ZBTB2: variants seen among roughly 807,000 people sequenced by gnomAD.
The protein encoded by ZBTB2 is zinc finger and BTB domain containing 2, also known as zinc finger and BTB domain-containing protein 2.
Under a neutral mutation model 39.5 loss-of-function variants are expected in ZBTB2, and 2 were observed. The ratio of observed to expected loss-of-function variants is 0.05; its 90% CI spans 0.02 to 0.16. The LOEUF is 0.16. ZBTB2 is among the 10% of genes least tolerant of loss of function. The pLI is 1.00. For missense variants in ZBTB2, 391 were observed against 653.0 expected, an observed-to-expected ratio of 0.60 and a Z score of 4.37; for synonymous variants, 251 against 256.6, an observed-to-expected ratio of 0.98 and a Z score of 0.21.
Position 151,366,506 on chromosome 6 carries a change from A to T in ZBTB2, c.560T>A (p.Val187Glu), listed in dbSNP as rs769829470. The T allele has an allele frequency of 6.2e-7, 1 of 1,614,052 alleles. No homozygotes were observed. Among genetic ancestry groups the T allele is most frequent in the Non-Finnish European group, 8.5e-7 (1 of 1,180,020 alleles). ...TGAGGGAGTCATATTTGTCCGATTC[A>T]CCTGGGCCAGATTTGAAGTCAGCTG... Reference protein sequence around the residue: ...LSQLTSNLAQVNRTNMTPSDP... With the variant: ...LSQLTSNLAQENRTNMTPSDP... Residue 187 changes from valine to glutamate, a missense_variant, in exon 3 of 3, where the codon GTG (valine) becomes GAG (glutamate). Transcript: ENST00000325144. The surrounding 1 kb of genome is among the most constrained non-coding windows in gnomAD (Gnocchi z 7.1).
In ZBTB2 at chr6:151,372,659, G is replaced by A. The variant is rs117337668; in HGVS notation, c.173+806C>T. On this transcript the variant is annotated intron_variant, in intron 2 of 2. Coordinates refer to ENST00000325144, the MANE Select transcript of ZBTB2 (RefSeq NM_020861.3). Reference sequence around the variant, plus strand: ...AAAGAAACTGAGCAAAGATAGAGCTGTTTTAAGATAGAAAAGAGGGAAACT... The same window carrying A: ...AAAGAAACTGAGCAAAGATAGAGCTATTTTAAGATAGAAAAGAGGGAAACT... Among the ~76,000 whole-genome samples, 235 of 152,286 alleles carry A rather than the reference G, an allele frequency of 1.5e-3. 1 individual carries two copies. In the East Asian group the frequency reaches 0.024, roughly 16 times the overall value.
At chr6:151,372,812 A>G (rs999533130) in intron 2 of ZBTB2, among the ~76,000 whole-genome samples, 1 of 152,096 alleles carries the variant, frequency 6.6e-6, no homozygotes, top group Non-Finnish European at 1.5e-5. Flanking sequence ...GAGTCCAGGA[A>G]AGATTACTGC....
At chr6:151,383,568 G>A (rs1372707508) in intron 1 of ZBTB2, among the ~76,000 whole-genome samples, 1 of 152,332 alleles carries the variant, frequency 6.6e-6, no homozygotes, top group East Asian at 1.9e-4. Flanking sequence ...ACACCCTGGT[G>A]ATGATTTGGC....
At position 151,364,957 on chromosome 6, in the gene ZBTB2, A is replaced by G. The variant is rs1399542010; in HGVS notation, c.*564T>C. 1 of 152,734 alleles carries G rather than the reference A, an allele frequency of 6.5e-6. No homozygotes were observed. The highest frequency in any genetic ancestry group is 1.5e-5 in the Non-Finnish European group (1 of 68,118). 9.5% of individuals were successfully genotyped at this position (152,734 alleles called of 1,614,324 possible). ...CTTTTTCTCCTTTTTGTTTTGTTAA[A>G]GTAGATTTCTTAACTGATGATTTCT... On this transcript the variant is annotated 3_prime_UTR_variant, in exon 3 of 3. Transcript: ENST00000325144.
chr6:151,385,424 C>T (rs1779129620), intron 1 of ZBTB2, among the ~76,000 whole-genome samples: 2 of 152,216 alleles, frequency 1.3e-5, no homozygotes, highest in African/African-American at 2.4e-5. Flanking sequence ...AAGCAACTCA[C>T]TCATCCTTTT....
chr6:151,377,227 T>A (rs1340956044), intron 1 of ZBTB2, among the ~76,000 whole-genome samples: 1 of 152,036 alleles, frequency 6.6e-6, no homozygotes, highest in Non-Finnish European at 1.5e-5. Context: ...GTGATGGGAA[T>A]GTTCTGCATG....
In ZBTB2 at chr6:151,391,404, GGC is replaced by G. The variant is rs1420900554; in HGVS notation, c.-13+14_-13+15del. On this transcript the variant is annotated intron_variant, in intron 1 of 2. Transcript: ENST00000325144. Reference sequence around the variant, plus strand: ...GTGGGCACCGGCCCCGGGAGGCGGAGGCGGTGCGCGCTTACCTGTCGCCGGTG... The same window carrying G: ...GTGGGCACCGGCCCCGGGAGGCGGAGGGTGCGCGCTTACCTGTCGCCGGTG... 6.6e-6 allele frequency: 1 copy of G among 151,908 alleles called. No individual in the cohort carries two copies. The highest frequency in any genetic ancestry group is 1.5e-5 in the Non-Finnish European group (1 of 67,996). The allele number at this position is 151,908 out of a possible 1,614,324, so 9.4% of individuals were successfully genotyped here.
chr6:151,378,551 C>T (rs1234748688), intron 1 of ZBTB2, among the ~76,000 whole-genome samples: 1 of 152,206 alleles, frequency 6.6e-6, no homozygotes, highest in Non-Finnish European at 1.5e-5. Context: ...ACCTGACCTC[C>T]ACCAAGGCAT....
rs531644499 is a variant in ZBTB2 at position 151,388,000 on chromosome 6, T to G, written c.-13+3420A>C. On this transcript the variant is annotated intron_variant, in intron 1 of 2. Transcript: ENST00000325144. ...AATAGTTTAATTTGCTAGCACAAAT[T>G]ATAACCTACTTGAGCATAAAGAACG... 2.4e-4 allele frequency among the ~76,000 whole-genome samples: 36 copies of G among 152,360 alleles called. 1 individual carries two copies. The South Asian group carries it at 7.2e-3, about 31-fold the overall frequency.
chr6:151,368,775 T>A (rs1247646876), intron 2 of ZBTB2, among the ~76,000 whole-genome samples: 5 of 150,352 alleles, frequency 3.3e-5, no homozygotes, highest in Non-Finnish European at 4.4e-5. Flanking sequence ...TTTTTTTTTT[T>A]AATTTTGAGA....
At chr6:151,383,019 G>C (rs1160512652) in intron 1 of ZBTB2, among the ~76,000 whole-genome samples, 1 of 151,216 alleles carries the variant, frequency 6.6e-6, no homozygotes, top group Non-Finnish European at 1.5e-5. Flanking sequence ...TCTGCCTCCT[G>C]GGTTCAAGCA....
chr6:151,376,723 G>A (rs1329391541), intron 1 of ZBTB2, among the ~76,000 whole-genome samples: 1 of 152,170 alleles, frequency 6.6e-6, no homozygotes, highest in East Asian at 1.9e-4. Flanking sequence ...GGAGAAGCTG[G>A]ATCATTCATA....
chr6:151,376,496 T>G (rs1385696381), intron 1 of ZBTB2, among the ~76,000 whole-genome samples: 1 of 151,926 alleles, frequency 6.6e-6, no homozygotes, highest in Non-Finnish European at 1.5e-5. Context: ...CTTTCAAAAC[T>G]CAACAGTAAA....
chr6:151,365,349 A>G lies in ZBTB2; in HGVS notation c.*172T>C. On this transcript the variant is annotated 3_prime_UTR_variant, in exon 3 of 3. Transcript: ENST00000325144. The surrounding 1 kb of genome is among the most constrained non-coding windows in gnomAD (Gnocchi z 5.6). ...AAGAAAGTCGATACATTCCAGGTTT[A>G]TAATGCACAAAGCCTTTACAGAGGT... 1 of 694,260 alleles carries G rather than the reference A, an allele frequency of 1.4e-6. No individual in the cohort carries two copies. The allele number at this position is 694,260 out of a possible 1,614,324, so 43.0% of individuals were successfully genotyped here. A position where few individuals can be genotyped will look rare whatever the true frequency, so the allele number is the denominator to read the frequency against.
At position 151,365,662 on chromosome 6, in the gene ZBTB2, G is replaced by A; in HGVS notation, c.1404C>T (p.Cys468=). Reference sequence around the variant, plus strand: ...CAAAAACATCCGAGTTCTGGTTTTGGCATGAATGTTTAACAACCTCATTGG... The same window carrying A: ...CAAAAACATCCGAGTTCTGGTTTTGACATGAATGTTTAACAACCTCATTGG... The part of the protein sequence containing the change: ...STPNEVVKHS[C]QNQNSDVFAL... The change falls in exon 3 of 3, where the codon TGC becomes TGT. Residue 468 remains cysteine, a synonymous_variant. Coordinates refer to ENST00000325144, the MANE Select transcript of ZBTB2 (RefSeq NM_020861.3). The surrounding 1 kb of genome is among the most constrained non-coding windows in gnomAD (Gnocchi z 5.6). The A allele has an allele frequency of 6.2e-7, 1 of 1,614,200 alleles. No homozygotes were observed.
At chr6:151,377,287 TA>T (rs1778933226) in intron 1 of ZBTB2, among the ~76,000 whole-genome samples, 1 of 152,004 alleles carries the variant, frequency 6.6e-6, no homozygotes, top group Non-Finnish European at 1.5e-5. Context: ...ATGTTTCCAT[TA>T]GGGGAAACTG....
At position 151,372,836 on chromosome 6, in the gene ZBTB2, T is replaced by C. The variant is rs944937983; in HGVS notation, c.173+629A>G. On this transcript the variant is annotated intron_variant, in intron 2 of 2. Transcript: ENST00000325144. Reference sequence around the variant, plus strand: ...AAAGATTACTGCTGGAAGGGTTCGCTGAGGTTGGGTGGCTGGCTTTATAAT... The same window carrying C: ...AAAGATTACTGCTGGAAGGGTTCGCCGAGGTTGGGTGGCTGGCTTTATAAT... Among the ~76,000 whole-genome samples the C allele has an allele frequency of 2.6e-5, 4 of 151,932 alleles. No homozygotes were observed. The East Asian group carries it at 5.8e-4, about 22-fold the overall frequency.
intron 1 of ZBTB2, among the ~76,000 whole-genome samples, chr6:151,379,736 T>C (rs1256641039): frequency 1.3e-5 from 2 of 151,990 alleles, no homozygotes; most frequent in Non-Finnish European, 2.9e-5. Flanking sequence ...AATAATTTTC[T>C]CACTTTCTTT....
Position 151,377,517 on chromosome 6 carries a change from C to T in ZBTB2, c.-12-3868G>A, listed in dbSNP as rs756976202. ...CTGAGTAGCTGGGATTACAGGTGCC[C>T]GCGACCATGTCTGGCTAATTTTTTT... On this transcript the variant is annotated intron_variant, in intron 1 of 2. Transcript: ENST00000325144. Among the ~76,000 whole-genome samples, 53 of 148,950 alleles carry T rather than the reference C, an allele frequency of 3.6e-4. 1 individual carries two copies. The highest frequency in any genetic ancestry group is 8.6e-4 in the South Asian group (4 of 4,670).
Sources: allele counts gnomAD v4.1 joint callset (sites outside exome capture counted in the v4.1 genomes callset), GRCh38; gene constraint gnomAD v4.1.1; non-coding constraint Gnocchi (gnomAD v3.1); transcripts MANE v1.5; gene names NCBI Gene and HGNC (gene_info 2026-07-23, HGNC 2026-07-21).